PARP1: variants seen among roughly 807,000 people sequenced by gnomAD.
PARP1 encodes the protein poly(ADP-ribose) polymerase 1, also known as poly [ADP-ribose] polymerase 1.
A neutral mutation model predicts 118.7 loss-of-function variants in PARP1; 44 were observed. The observed-to-expected ratio is 0.37, with a 90% CI of 0.29 to 0.48. PARP1 has a LOEUF of 0.48. Ranked by LOEUF, PARP1 falls within the 20% of genes least tolerant of loss-of-function variation. PARP1 has a pLI of 0.99. For missense variants in PARP1, 1,100 were observed against 1,272.4 expected, an observed-to-expected ratio of 0.86 and a Z score of 2.06; for synonymous variants, 492 against 483.2, an observed-to-expected ratio of 1.02 and a Z score of -0.24.
In PARP1 at chr1:226,402,281, C is replaced by T. The variant is rs769914649; in HGVS notation, c.219G>A (p.Gly73=). 3 of 1,614,178 alleles carry T rather than the reference C, an allele frequency of 1.9e-6. No individual in the cohort carries two copies. Among genetic ancestry groups the T allele is most frequent in the Admixed American group, 3.3e-5 (2 of 60,032 alleles). The change falls in exon 2 of 23, where the codon GGG becomes GGA. Residue 73 remains glycine, a synonymous_variant. Coordinates refer to ENST00000366794, the MANE Select transcript of PARP1 (RefSeq NM_001618.4). ...SIRHPDVEVD[G]FSELRWDDQQ... ...GGTCATCCCACCGAAGCTCAGAGAA[C>T]CCATCCACCTCAACGTCAGGGTGCC...
At chr1:226,402,090 C>T (rs1449818255) in intron 2 of PARP1, 124 bp downstream of exon 2, 29 of 1,584,750 alleles carry the variant, frequency 1.8e-5, no homozygotes, top group Middle Eastern at 1.7e-4. Context: ...GGGCACCATA[C>T]GCTTGATCTG....
intron 2 of PARP1, among the ~76,000 whole-genome samples, chr1:226,398,775 T>C (rs1297689935): frequency 6.6e-6 from 1 of 152,166 alleles, no homozygotes; most frequent in African/African-American, 2.4e-5. Flanking sequence ...GAATGGAAAA[T>C]GATTCAGCTT....
chr1:226,373,654 T>A (rs1664437508), intron 14 of PARP1, among the ~76,000 whole-genome samples: 1 of 152,024 alleles, frequency 6.6e-6, no homozygotes, highest in Admixed American at 6.6e-5. Flanking sequence ...ACTGCCAACC[T>A]TTTAAAAACT....
At chr1:226,374,020 T>G (rs1039039730) in intron 14 of PARP1, among the ~76,000 whole-genome samples, 1 of 152,106 alleles carries the variant, frequency 6.6e-6, no homozygotes, top group African/African-American at 2.4e-5. Context: ...CATGCTTCAC[T>G]GCAAATCAAA....
intron 2 of PARP1, among the ~76,000 whole-genome samples, chr1:226,399,946 T>C (rs1057016271): frequency 2.0e-5 from 3 of 151,396 alleles, no homozygotes; most frequent in Non-Finnish European, 4.4e-5. Context: ...GAGCTTACGG[T>C]GAGCCGAGAT....
chr1:226,402,248 T>C lies in PARP1; in HGVS notation c.252A>G (p.Lys84=), dbSNP rs977737997. Residue 84 remains lysine (K), a synonymous_variant, in exon 2 of 23, where the codon AAA becomes AAG. Transcript: ENST00000366794. ...FSELRWDDQQ[K]VKKTAEAGGV... ...CTCCAGCTTCCGCTGTCTTCTTGAC[T>C]TTCTGCTGGTCATCCCACCGAAGCT... 8.7e-6 allele frequency: 14 copies of C among 1,614,110 alleles called. No homozygotes were observed. The highest frequency in any genetic ancestry group is 1.1e-5 in the Non-Finnish European group (13 of 1,180,056).
At chr1:226,371,169 T>C (rs1664375532) in intron 14 of PARP1, 1 of 156,706 alleles carries the variant, frequency 6.4e-6, no homozygotes, top group Admixed American at 6.0e-5. Flanking sequence ...GGGGCCACCT[T>C]CCTTAAAAGG....
chr1:226,387,184 T>C (rs1024608679), intron 5 of PARP1, among the ~76,000 whole-genome samples: 2 of 152,184 alleles, frequency 1.3e-5, no homozygotes, highest in Non-Finnish European at 2.9e-5. Context: ...TGTTTCACCA[T>C]GTTGGCCAGG....
At position 226,379,649 on chromosome 1, in the gene PARP1, G is replaced by A. The variant is rs533527325; in HGVS notation, c.1544-8C>T. The stretch of plus-strand genomic sequence containing the variant: ...TTTCAGATTTGTTGATACCTTGGAG[G>A]AGAACAGAAAAATGTAAACATGAAG... On this transcript the variant is annotated splice_polypyrimidine_tract_variant and splice_region_variant and intron_variant, in intron 10 of 22. Coordinates refer to ENST00000366794, the MANE Select transcript of PARP1 (RefSeq NM_001618.4). 18 of 1,599,384 alleles carry A rather than the reference G, an allele frequency of 1.1e-5. No homozygotes were observed. The South Asian group carries it at 1.9e-4, about 17-fold the overall frequency.
intron 1 of PARP1, among the ~76,000 whole-genome samples, chr1:226,406,219 C>T (rs1576405620): frequency 6.6e-6 from 1 of 152,114 alleles, no homozygotes; most frequent in Admixed American, 6.5e-5. Flanking sequence ...TTGCTGCTTA[C>T]ATTTATGATT....
At chr1:226,378,047 A>T (rs1374677518) in intron 12 of PARP1, among the ~76,000 whole-genome samples, 1 of 152,158 alleles carries the variant, frequency 6.6e-6, no homozygotes, top group Non-Finnish European at 1.5e-5. Flanking sequence ...ATAAAAATTC[A>T]TTCTCTGCTT....
At chr1:226,361,795 C>G (rs989864598) in intron 22 of PARP1, 174 bp downstream of exon 22, 2 of 684,022 alleles carry the variant, frequency 2.9e-6, no homozygotes, top group African/African-American at 3.5e-5. Flanking sequence ...GGCTCATACC[C>G]TGTAAGCCAG....
chr1:226,385,058 T>A (rs947477716), intron 7 of PARP1, among the ~76,000 whole-genome samples: 3 of 152,086 alleles, frequency 2.0e-5, no homozygotes, highest in African/African-American at 7.2e-5. Flanking sequence ...AGCAGTTCCA[T>A]TAAAAAAAGA....
At chr1:226,361,727 T>C (rs950294803) in intron 22 of PARP1, 186 bp from the exon 23 acceptor site, 1 of 675,570 alleles carries the variant, frequency 1.5e-6, no homozygotes. Flanking sequence ...TGAAAGTTAC[T>C]CTAAGTCTTC....
intron 14 of PARP1, among the ~76,000 whole-genome samples, chr1:226,372,839 C>T (rs1664414015): frequency 6.6e-6 from 1 of 152,160 alleles, no homozygotes; most frequent in Admixed American, 6.5e-5. Flanking sequence ...ATGAAACGAG[C>T]CCCTCTTCTC....
In PARP1 at chr1:226,364,286, C is replaced by T. The variant is rs1213494736; in HGVS notation, c.2659-216G>A. The T allele has an allele frequency of 4.8e-5, 26 of 538,740 alleles. No homozygotes were observed. The Admixed American group carries it at 5.6e-4, about 12-fold the overall frequency. The allele number at this position is 538,740 out of a possible 1,614,324, so 33.4% of individuals were successfully genotyped here. ...CCAGGTGCCAAGGAGCTGCAAGAAG[C>T]TACGTAACCTCTCTGGACTCTACTT... is the stretch of plus-strand genomic sequence containing the variant. On this transcript the variant is annotated intron_variant, in intron 19 of 22. Coordinates refer to ENST00000366794, the MANE Select transcript of PARP1 (RefSeq NM_001618.4).
At chr1:226,376,745 C>T (rs1309728839) in intron 13 of PARP1, among the ~76,000 whole-genome samples, 4 of 152,226 alleles carry the variant, frequency 2.6e-5, no homozygotes, top group South Asian at 2.1e-4. Context: ...ACCAACCTTA[C>T]ATTCCTGGGA....
chr1:226,385,744 A>T, intron 6 of PARP1, 64 bp from the exon 7 acceptor site: 1 of 1,419,720 alleles, frequency 7.0e-7, no homozygotes, highest in South Asian at 1.2e-5. Flanking sequence ...ACACTTACTA[A>T]TGTGGGATGG....
rs1299974864 is a variant in PARP1, at chr1:226,367,252, G to C, written c.2406+228C>G. The C allele has an allele frequency of 1.4e-5, 8 of 572,386 alleles. No homozygotes were observed. The East Asian group carries it at 2.4e-4, about 17-fold the overall frequency. 35.5% of individuals were successfully genotyped at this position (572,386 alleles called of 1,614,324 possible). Reference sequence around the variant, plus strand: ...TACGCCAAGCTGAGGTGCTGGCTTGGAAGGCTGCCTTGCAAACAAGGTGCA... The same window carrying C: ...TACGCCAAGCTGAGGTGCTGGCTTGCAAGGCTGCCTTGCAAACAAGGTGCA... On this transcript the variant is annotated intron_variant, in intron 17 of 22. Coordinates refer to ENST00000366794, the MANE Select transcript of PARP1 (RefSeq NM_001618.4).
Sources: allele counts gnomAD v4.1 joint callset (sites outside exome capture counted in the v4.1 genomes callset), GRCh38; gene constraint gnomAD v4.1.1; transcripts MANE v1.5; gene names NCBI Gene and HGNC (gene_info 2026-07-23, HGNC 2026-07-21).